INAVA: variants seen among roughly 807,000 people sequenced by gnomAD.
INAVA encodes innate immunity activator protein.
In INAVA, 32 loss-of-function variants were observed where a neutral mutation model predicts 55.3. That is an observed-to-expected ratio of 0.58 (90% CI 0.44 to 0.78). The LOEUF is 0.78. INAVA is among the 30% of genes least tolerant of loss of function. INAVA has a pLI of 0.00. For missense variants in INAVA, 756 were observed against 786.4 expected, an observed-to-expected ratio of 0.96 and a Z score of 0.46; for synonymous variants, 294 against 329.4, an observed-to-expected ratio of 0.89 and a Z score of 1.16.
At position 200,900,952 on chromosome 1, in the gene INAVA, C is replaced by A; in HGVS notation, c.313C>A (p.Leu105Met). 6.4e-7 allele frequency: 1 copy of A among 1,551,576 alleles called. No individual in the cohort carries two copies. Among genetic ancestry groups the A allele is most frequent in the Non-Finnish European group, 8.7e-7 (1 of 1,146,582 alleles). ...CCTCTCTCAGGACCCCCTAAGCAGC[C>A]TGGAGCGCCAGCTGGCCCTGCAGCT... ...ALHREDPLSSLERQLALQLQI... is the reference protein window; with the variant it reads ...ALHREDPLSSMERQLALQLQI... Residue 105 changes from leucine to methionine, a missense_variant, in exon 5 of 10, where the codon CTG becomes ATG. Leu to Met is a conservative substitution (Grantham distance 15). Transcript: ENST00000413687.
upstream of INAVA, among the ~76,000 whole-genome samples, chr1:200,893,050 A>G (rs1019585644): frequency 7.2e-5 from 11 of 152,194 alleles, no homozygotes; most frequent in African/African-American, 2.7e-4. Flanking sequence ...GAGGCAAAAA[A>G]AGATATCATT....
upstream of INAVA, among the ~76,000 whole-genome samples, chr1:200,894,145 C>A (rs933773728): frequency 1.1e-4 from 16 of 152,076 alleles, no homozygotes; most frequent in Admixed American, 5.9e-4. Context: ...CCATTTTGGT[C>A]TCTGGCTCCT....
chr1:200,906,145 T>C (rs932774501), intron 5 of INAVA: 7 of 152,252 alleles, frequency 4.6e-5, no homozygotes, highest in African/African-American at 1.7e-4. Context: ...CAATTATTAC[T>C]TTTTCCTCAT....
Position 200,900,997 on chromosome 1 carries a change from C to T in INAVA, c.358C>T (p.Arg120Cys), listed in dbSNP as rs776352698. The change falls in exon 5 of 10, where the codon CGT becomes TGT. Residue 120 changes from arginine to cysteine, a missense_variant. This residue lies in a region of INAVA where 639 missense variants were observed against 624.3 expected (regional missense o/e 1.02). Transcript: ENST00000413687. The stretch of plus-strand genomic sequence containing the variant: ...GCAGCTGCAGATCACAGAGGCAGCC[C>T]GTCGGCTGTGCCTGGAGGAGAACCT... Reference protein sequence around the residue: ...ALQLQITEAARRLCLEENLSR... With the variant: ...ALQLQITEAACRLCLEENLSR... 23 of 1,553,190 alleles carry T rather than the reference C, an allele frequency of 1.5e-5. No individual in the cohort carries two copies. Among genetic ancestry groups the T allele is most frequent in the Admixed American group, 9.7e-5 (5 of 51,420 alleles).
intron 5 of INAVA, among the ~76,000 whole-genome samples, chr1:200,907,424 G>A (rs1653537063): frequency 6.6e-6 from 1 of 152,154 alleles, no homozygotes. Flanking sequence ...GGGAGGCCAA[G>A]GTGGGATGAT....
intron 5 of INAVA, 70 bp from the exon 6 acceptor site, chr1:200,907,764 C>A: frequency 1.5e-6 from 2 of 1,356,202 alleles, no homozygotes; most frequent in Non-Finnish European, 2.1e-6. Flanking sequence ...CTGCTCAGCA[C>A]TGCTGGTTAC....
At chr1:200,891,688 G>A, upstream of INAVA, 1 of 1,482,970 alleles carries the variant, frequency 6.7e-7, no homozygotes. Context: ...CGGCGCCAGA[G>A]CTCCATGGGA....
chr1:200,892,493 A>G (rs779498636), upstream of INAVA, among the ~76,000 whole-genome samples: 2 of 152,348 alleles, frequency 1.3e-5, no homozygotes, highest in South Asian at 4.1e-4. Context: ...AGGAAACGAA[A>G]ACACTGAAGA....
intron 1 of INAVA, among the ~76,000 whole-genome samples, chr1:200,897,010 C>T (rs1668367480): frequency 6.6e-6 from 1 of 152,260 alleles, no homozygotes; most frequent in African/African-American, 2.4e-5. Context: ...CCACCCCTCC[C>T]ACCCCTGCTG....
chr1:200,911,662 C>T lies in INAVA; in HGVS notation c.1169C>T (p.Pro390Leu), dbSNP rs1055967335. ...CCCACTTCGCCGGGCAGCAGCAGCC[C>T]CGACATCTCCTTTCTGCAGCCTCTC... The part of the protein sequence containing the change: ...SHPTSPGSSS[P>L]DISFLQPLSP... Residue 390 changes from proline (P) to leucine (L), a missense_variant, in exon 9 of 10, where the codon CCC (proline) becomes CTC (leucine). By Grantham distance (98) the Pro-to-Leu change is moderately conservative (BLOSUM62 -3). Transcript: ENST00000413687. 1.2e-6 allele frequency: 2 copies of T among 1,614,054 alleles called. No homozygotes were observed. The highest frequency in any genetic ancestry group is 2.2e-5 in the South Asian group (2 of 91,076).
At chr1:200,891,769 A>G (rs1001993099), upstream of INAVA, 5 of 1,227,022 alleles carry the variant, frequency 4.1e-6, no homozygotes, top group Non-Finnish European at 5.5e-6. Flanking sequence ...CCCTGAACCC[A>G]CGGTCTTCAG....
In INAVA at chr1:200,912,150, T is replaced by G. The variant is rs1036882488; in HGVS notation, c.1644+13T>G. The G allele has an allele frequency of 1.4e-5, 22 of 1,539,278 alleles. No homozygotes were observed. Among genetic ancestry groups the G allele is most frequent in the Non-Finnish European group, 1.7e-5 (20 of 1,143,356 alleles). On this transcript the variant is annotated intron_variant, in intron 9 of 9. Coordinates refer to ENST00000413687, the MANE Select transcript of INAVA (RefSeq NM_001142569.3). ...ACCCCGGGCACAGGTACGGCTGCTC[T>G]GGAGGGACCCCGGGGCCAGGCAGGA... is the stretch of plus-strand genomic sequence containing the variant.
rs922191075 is a variant in INAVA at position 200,898,187 on chromosome 1, A to G, written c.-94-120A>G. On this transcript the variant is annotated intron_variant, in intron 1 of 9. Transcript: ENST00000413687. ...CCAGTGCCAGAATCTCCTGCCCCAG[A>G]TGGTTCCTGAAGCACAGTCCTCCCT... The G allele has an allele frequency of 3.7e-6, 4 of 1,075,676 alleles. No homozygotes were observed. In the East Asian group the frequency reaches 9.6e-5, roughly 26 times the overall value. 66.6% of individuals were successfully genotyped at this position (1,075,676 alleles called of 1,614,324 possible). A position where few individuals can be genotyped will look rare whatever the true frequency, so the allele number is the denominator to read the frequency against.
chr1:200,900,796 C>A, intron 4 of INAVA, 141 bp from the exon 5 acceptor site: 1 of 603,048 alleles, frequency 1.7e-6, no homozygotes, highest in Non-Finnish European at 2.8e-6. Context: ...CCACGTCCGT[C>A]CATTGGTGCT....
At chr1:200,896,640 G>T (rs296533) in intron 1 of INAVA, among the ~76,000 whole-genome samples, 37,746 of 152,248 alleles carry the variant, frequency 0.25, 5,625 homozygotes, top group Non-Finnish European at 0.35. Context: ...CTTTGTGTTT[G>T]ATTGTTGCTG....
chr1:200,894,747 T>G (rs1196130079), upstream of INAVA: 1 of 970,468 alleles, frequency 1.0e-6, no homozygotes, highest in African/African-American at 1.8e-5. Context: ...TGGGAGCCCC[T>G]TTTTCCCTGC....
At chr1:200,912,845 C>T (rs1461273278) in intron 9 of INAVA, among the ~76,000 whole-genome samples, 1 of 152,188 alleles carries the variant, frequency 6.6e-6, no homozygotes, top group Non-Finnish European at 1.5e-5. Flanking sequence ...TTATTATCAT[C>T]TGGGGCCACA....
chr1:200,901,144 C>T lies in INAVA; in HGVS notation c.505C>T (p.Leu169Phe). The T allele has an allele frequency of 6.6e-7, 1 of 1,521,490 alleles. No individual in the cohort carries two copies. Among genetic ancestry groups the T allele is most frequent in the Admixed American group, 2.0e-5 (1 of 50,182 alleles). The allele number at this position is 1,521,490 out of a possible 1,614,324, so 94.2% of individuals were successfully genotyped here. ...RNSEPPPAAALPLGRELSASD... is the reference protein window; with the variant it reads ...RNSEPPPAAAFPLGRELSASD... Reference sequence around the variant, plus strand: ...TAGCGAGCCACCTCCGGCTGCTGCTCTCCCCCTGGGCCGAGGTGAGCCGGC... The same window carrying T: ...TAGCGAGCCACCTCCGGCTGCTGCTTTCCCCCTGGGCCGAGGTGAGCCGGC... The change falls in exon 5 of 10, where the codon CTC becomes TTC. Residue 169 changes from leucine to phenylalanine, a missense_variant. Physicochemically the swap from Leu to Phe is conservative, Grantham distance 22. Coordinates refer to ENST00000413687, the MANE Select transcript of INAVA (RefSeq NM_001142569.3).
intron 8 of INAVA, 32 bp from the exon 9 acceptor site, chr1:200,911,421 C>CA (rs1371739282): frequency 6.3e-7 from 1 of 1,582,124 alleles, no homozygotes; most frequent in Non-Finnish European, 8.6e-7. Context: ...TTCTGCCCCC[C>CA]ACACTCAGAA....
Sources: allele counts gnomAD v4.1 joint callset (sites outside exome capture counted in the v4.1 genomes callset), GRCh38; gene constraint gnomAD v4.1.1; regional missense constraint gnomAD v4.1.1; transcripts MANE v1.5; gene names NCBI Gene and HGNC (gene_info 2026-07-23, HGNC 2026-07-21).